S100Z: variants seen among roughly 807,000 people sequenced by gnomAD.
S100Z encodes protein S100-Z.
A neutral mutation model predicts 8.5 loss-of-function variants in S100Z; 11 were observed. The ratio of observed to expected loss-of-function variants is 1.30; its 90% CI spans 0.82 to 2.15. S100Z has a LOEUF of 2.15. Ranked by LOEUF, S100Z falls within the 30% of genes most tolerant of loss-of-function variation. The pLI is 0.00. For synonymous variants in S100Z, 34 were observed against 43.8 expected (o/e 0.78, Z 0.89); for missense variants, 126 against 117.9 (o/e 1.07, Z -0.32).
intron 4 of S100Z, among the ~76,000 whole-genome samples, chr5:76,909,688 T>G (rs983687109): frequency 6.6e-6 from 1 of 152,182 alleles, no homozygotes; most frequent in Non-Finnish European, 1.5e-5. Flanking sequence ...TTATGTCCCC[T>G]TCAAGCTGTA....
chr5:76,914,088 C>G (rs1217477069), intron 4 of S100Z, among the ~76,000 whole-genome samples: 2 of 152,146 alleles, frequency 1.3e-5, no homozygotes, highest in Non-Finnish European at 2.9e-5. Context: ...CAACTTCTAC[C>G]GAGGACCCCT....
the S100Z span, among the ~76,000 whole-genome samples, chr5:76,930,601 G>A: frequency 6.6e-6 from 1 of 152,130 alleles, no homozygotes; most frequent in Non-Finnish European, 1.5e-5. Context: ...TCTGCAGCTC[G>A]ATACCTTAGA....
At chr5:76,866,869 T>A (rs1375487890) in intron 1 of S100Z, among the ~76,000 whole-genome samples, 3 of 152,236 alleles carry the variant, frequency 2.0e-5, no homozygotes, top group Non-Finnish European at 4.4e-5. Context: ...CCTCTTTAGG[T>A]ACACAACATT....
chr5:76,924,246 C>A (rs1745095465), downstream of S100Z, among the ~76,000 whole-genome samples: 2 of 152,220 alleles, frequency 1.3e-5, no homozygotes, highest in South Asian at 4.1e-4. Context: ...CATTTCCCTG[C>A]TCTTTCCTCC....
intron 1 of S100Z, among the ~76,000 whole-genome samples, chr5:76,853,483 C>T (rs1750789558): frequency 6.6e-6 from 1 of 152,152 alleles, no homozygotes; most frequent in Admixed American, 6.5e-5. Flanking sequence ...TCTGTATCCC[C>T]ACCAAATCTC....
intron 1 of S100Z, among the ~76,000 whole-genome samples, chr5:76,851,324 A>C (rs1455106467): frequency 6.6e-6 from 1 of 152,150 alleles, no homozygotes; most frequent in African/African-American, 2.4e-5. Context: ...TTAAGTGAGG[A>C]GCTCAGGTGT....
At chr5:76,886,300 G>A (rs1373218527) in intron 4 of S100Z, among the ~76,000 whole-genome samples, 3 of 152,188 alleles carry the variant, frequency 2.0e-5, no homozygotes, top group Non-Finnish European at 2.9e-5. Flanking sequence ...CGGATAAAAT[G>A]TGTCTCCTTT....
intron 4 of S100Z, among the ~76,000 whole-genome samples, chr5:76,898,172 T>C (rs1335071723): frequency 6.7e-6 from 1 of 149,760 alleles, no homozygotes; most frequent in Non-Finnish European, 1.5e-5. Flanking sequence ...TTTTTTGAGA[T>C]GGAGTTTAGC....
chr5:76,883,045 G>C (rs569274611), intron 4 of S100Z, among the ~76,000 whole-genome samples: 1 of 152,252 alleles, frequency 6.6e-6, no homozygotes, highest in South Asian at 2.1e-4. Flanking sequence ...GAATTGTAGG[G>C]AGAGTTTACA....
intron 4 of S100Z, among the ~76,000 whole-genome samples, chr5:76,917,984 A>G (rs1241445950): frequency 1.3e-5 from 2 of 152,216 alleles, no homozygotes; most frequent in African/African-American, 4.8e-5. Context: ...CAATCTTTAA[A>G]TATATATCTG....
In S100Z at chr5:76,889,267, C is replaced by T. The variant is rs1743772698; in HGVS notation, c.*2+11433C>T. ...CTCTCTGCTCCTTAAAACCACTTCA[C>T]GTATGTCTGTGTTGTTTTATCTAAT... On this transcript the variant is annotated intron_variant, in intron 4 of 4. Coordinates refer to ENST00000317593, the MANE Select transcript of S100Z (RefSeq NM_130772.4). Among the ~76,000 whole-genome samples, 9 of 152,264 alleles carry T rather than the reference C, an allele frequency of 5.9e-5. 1 individual carries two copies. The South Asian group carries it at 1.9e-3, about 32-fold the overall frequency.
rs948495459 is a variant in S100Z at position 76,861,309 on chromosome 5, G to T, written c.-175-8857G>T. On this transcript the variant is annotated intron_variant, in intron 1 of 4. Transcript: ENST00000317593. Reference sequence around the variant, plus strand: ...TGTGGCAGCTGATTGCCTCCAGAGTGAGTGATTCAAGAGGAAGCGAGGCAA... The same window carrying T: ...TGTGGCAGCTGATTGCCTCCAGAGTTAGTGATTCAAGAGGAAGCGAGGCAA... Among the ~76,000 whole-genome samples the T allele has an allele frequency of 4.6e-5, 7 of 152,094 alleles. No homozygotes were observed. In the South Asian group the frequency reaches 1.5e-3, roughly 32 times the overall value.
Position 76,863,560 on chromosome 5 carries a change from G to A in S100Z, c.-175-6606G>A, listed in dbSNP as rs369875746. Among the ~76,000 whole-genome samples the A allele has an allele frequency of 1.5e-3, 230 of 151,726 alleles. 5 individuals carry two copies. The East Asian group carries it at 0.016, about 11-fold the overall frequency. On this transcript the variant is annotated intron_variant, in intron 1 of 4. Coordinates refer to ENST00000317593, the MANE Select transcript of S100Z (RefSeq NM_130772.4). ...TATTTTATTTTATTTATTTTTTGAG[G>A]CAGAGTCTCACTCTGTTGCCCAGGC... is the stretch of plus-strand genomic sequence containing the variant.
At chr5:76,873,114 A>C (rs1253308483) in intron 2 of S100Z, among the ~76,000 whole-genome samples, 3 of 152,252 alleles carry the variant, frequency 2.0e-5, no homozygotes, top group African/African-American at 7.2e-5. Flanking sequence ...ACAGGATCAC[A>C]CAACTAGTGG....
the S100Z span, among the ~76,000 whole-genome samples, chr5:76,933,903 A>G: frequency 1.3e-5 from 2 of 152,182 alleles, no homozygotes; most frequent in Non-Finnish European, 2.9e-5. Flanking sequence ...TTCTTCCCCC[A>G]ACCACCTGGT....
chr5:76,945,686 C>T, the S100Z span, among the ~76,000 whole-genome samples: 1 of 152,206 alleles, frequency 6.6e-6, no homozygotes, highest in East Asian at 1.9e-4. Context: ...CCTTTGCTCA[C>T]ATGTTTTCTT....
At chr5:76,917,123 CAAAAA>C (rs35232494) in intron 4 of S100Z, among the ~76,000 whole-genome samples, 9 of 81,316 alleles carry the variant, frequency 1.1e-4, no homozygotes, top group African/African-American at 4.3e-4. Context: ...GAGACTGTCT[CAAAAA>C]AAAAAAAAAA....
At chr5:76,884,682 G>T (rs900393048) in intron 4 of S100Z, among the ~76,000 whole-genome samples, 1 of 152,160 alleles carries the variant, frequency 6.6e-6, no homozygotes, top group African/African-American at 2.4e-5. Context: ...TTGGGCAAGT[G>T]GGGGAGGACT....
At chr5:76,907,645 A>G (rs1744504082) in intron 4 of S100Z, among the ~76,000 whole-genome samples, 1 of 152,076 alleles carries the variant, frequency 6.6e-6, no homozygotes, top group African/African-American at 2.4e-5. Flanking sequence ...GAGTCTTAAA[A>G]TTTTGTTCTT....
Sources: allele counts gnomAD v4.1 joint callset (sites outside exome capture counted in the v4.1 genomes callset), GRCh38; gene constraint gnomAD v4.1.1; transcripts MANE v1.5; gene names NCBI Gene and HGNC (gene_info 2026-07-23, HGNC 2026-07-21).